KIAA1549L: variants seen among roughly 807,000 people sequenced by gnomAD.
KIAA1549L encodes the protein UPF0606 protein KIAA1549L.
In KIAA1549L, 88 loss-of-function variants were observed where a neutral mutation model predicts 160.7. The ratio of observed to expected loss-of-function variants is 0.55; its 90% CI spans 0.46 to 0.65. The LOEUF is 0.65. KIAA1549L is among the 30% of genes least tolerant of loss of function. The pLI, the probability that KIAA1549L is intolerant of heterozygous loss-of-function variation, is 0.00. For synonymous variants in KIAA1549L, 950 were observed against 976.7 expected, an observed-to-expected ratio of 0.97 and a Z score of 0.51; for missense variants, 2,258 against 2,437.5, an observed-to-expected ratio of 0.93 and a Z score of 1.55.
intron 1 of KIAA1549L, among the ~76,000 whole-genome samples, chr11:33,495,588 T>C (rs1227431539): frequency 6.6e-6 from 1 of 152,240 alleles, no homozygotes; most frequent in Non-Finnish European, 1.5e-5. Context: ...AATAAGCATA[T>C]GCGTGCATGT....
chr11:33,601,661 A>C lies in KIAA1549L; in HGVS notation c.4879+2714A>C, dbSNP rs958690857. On this transcript the variant is annotated intron_variant, in intron 13 of 20. Coordinates refer to ENST00000658780, the MANE Select transcript of KIAA1549L (RefSeq NM_012194.3). ...TGGCTTAGTATCTATTTTTCACAGAAGCTTAAGTTACTAAGGTTAATAAAT... is the reference window on the plus strand; with the variant it reads ...TGGCTTAGTATCTATTTTTCACAGACGCTTAAGTTACTAAGGTTAATAAAT... 5.3e-5 allele frequency among the ~76,000 whole-genome samples: 8 copies of C among 152,338 alleles called. No individual in the cohort carries two copies. The East Asian group carries it at 1.5e-3, about 29-fold the overall frequency.
At position 33,645,955 on chromosome 11, in the gene KIAA1549L, G is replaced by A. The variant is rs1266592574; in HGVS notation, c.5679G>A (p.Gly1893=). 1 of 1,612,626 alleles carries A rather than the reference G, an allele frequency of 6.2e-7. No homozygotes were observed. Among genetic ancestry groups the A allele is most frequent in the Non-Finnish European group, 8.5e-7 (1 of 1,179,306 alleles). ...CGGAGGTGGTGACCAGCGCTCCGGG[G>A]ACCATGACGCGGCCCAGGGCCGGGG... ...PYSEVVTSAP[G]TMTRPRAGVQ... Residue 1893 remains glycine (G), a synonymous_variant, in exon 17 of 21, where the codon GGG becomes GGA. Coordinates refer to ENST00000658780, the MANE Select transcript of KIAA1549L (RefSeq NM_012194.3).
chr11:33,536,970 C>G (rs914755244), intron 1 of KIAA1549L, among the ~76,000 whole-genome samples: 1 of 152,174 alleles, frequency 6.6e-6, no homozygotes, highest in Non-Finnish European at 1.5e-5. Context: ...TCCTCCCCAC[C>G]AAACTAAAAC....
At chr11:33,443,085 A>G (rs1014667341) in intron 1 of KIAA1549L, among the ~76,000 whole-genome samples, 1 of 152,242 alleles carries the variant, frequency 6.6e-6, no homozygotes, top group African/African-American at 2.4e-5. Flanking sequence ...TTCTTTATGC[A>G]TATTAAACTT....
intron 1 of KIAA1549L, among the ~76,000 whole-genome samples, chr11:33,526,520 C>T (rs1357915148): frequency 6.6e-6 from 1 of 152,178 alleles, no homozygotes; most frequent in Non-Finnish European, 1.5e-5. Flanking sequence ...CATTCCCCAG[C>T]ACCAGCCTGG....
At chr11:33,583,287 C>T in intron 10 of KIAA1549L, 51 bp from the exon 11 acceptor site, 3 of 1,540,262 alleles carry the variant, frequency 1.9e-6, no homozygotes, top group Non-Finnish European at 2.6e-6. Context: ...GGGTTGCTTT[C>T]CTCTTCCCAG....
At chr11:33,548,203 G>A (rs1423839396) in intron 4 of KIAA1549L, among the ~76,000 whole-genome samples, 1 of 152,066 alleles carries the variant, frequency 6.6e-6, no homozygotes, top group Non-Finnish European at 1.5e-5. Context: ...GTTTGAGACC[G>A]GTCTGGGCAA....
intron 17 of KIAA1549L, among the ~76,000 whole-genome samples, chr11:33,655,748 G>C (rs537218166): frequency 1.3e-5 from 2 of 152,336 alleles, no homozygotes; most frequent in African/African-American, 4.8e-5. Flanking sequence ...CCAGGTGGAA[G>C]AAAAGCCCAA....
intron 1 of KIAA1549L, among the ~76,000 whole-genome samples, chr11:33,415,736 A>C (rs1164583281): frequency 6.6e-6 from 1 of 152,086 alleles, no homozygotes; most frequent in African/African-American, 2.4e-5. Context: ...TTTCCTTTAT[A>C]TTGTTGCCAT....
At chr11:33,589,316 C>A (rs761594508) in intron 11 of KIAA1549L, among the ~76,000 whole-genome samples, 17 of 152,280 alleles carry the variant, frequency 1.1e-4, no homozygotes, top group Non-Finnish European at 2.1e-4. Context: ...GTTGGTGGGA[C>A]TGTAAACTAG....
At chr11:33,407,186 G>T in intron 1 of KIAA1549L, among the ~76,000 whole-genome samples, 1 of 142,428 alleles carries the variant, frequency 7.0e-6, no homozygotes, top group East Asian at 2.2e-4. Flanking sequence ...CCGGGTTCAC[G>T]CCATTCTCCT....
At position 33,542,374 on chromosome 11, in the gene KIAA1549L, C is replaced by T; in HGVS notation, c.811C>T (p.Leu271=). The change falls in exon 2 of 21, where the codon CTG becomes TTG. Residue 271 remains leucine, a synonymous_variant. Transcript: ENST00000658780. ...SEPAEQSPKV[L]LVPQTAPADP... is the part of the protein sequence containing the mutation. Reference sequence around the variant, plus strand: ...GCCAGCAGAGCAATCCCCCAAAGTGCTGTTAGTTCCCCAAACAGCTCCAGC... The same window carrying T: ...GCCAGCAGAGCAATCCCCCAAAGTGTTGTTAGTTCCCCAAACAGCTCCAGC... 1 of 1,090,028 alleles carries T rather than the reference C, an allele frequency of 9.2e-7. No homozygotes were observed. Among genetic ancestry groups the T allele is most frequent in the Non-Finnish European group, 1.3e-6 (1 of 754,314 alleles). 67.5% of individuals were successfully genotyped at this position (1,090,028 alleles called of 1,614,324 possible).
At chr11:33,633,454 C>T (rs181169103) in intron 16 of KIAA1549L, among the ~76,000 whole-genome samples, 46 of 152,090 alleles carry the variant, frequency 3.0e-4, no homozygotes, top group African/African-American at 9.9e-4. Context: ...TTTGTGCATC[C>T]GTCTGGTTTT....
intron 6 of KIAA1549L, among the ~76,000 whole-genome samples, chr11:33,555,479 T>C (rs1854616342): frequency 6.6e-6 from 1 of 152,156 alleles, no homozygotes; most frequent in African/African-American, 2.4e-5. Context: ...ACAAATGGAA[T>C]AGAAGAGAGA....
At position 33,658,790 on chromosome 11, in the gene KIAA1549L, T is replaced by A; in HGVS notation, c.5899T>A (p.Ser1967Thr). ...DIGSKTRMAE[S>T]TGPEPAQLHD... ...CGGCAGCAAGACCAGAATGGCCGAG[T>A]CTACAGGGCCCGAGCCGGCCCAGCT... The change falls in exon 19 of 21, where the codon TCT becomes ACT. Residue 1967 changes from serine (S) to threonine (T), a missense_variant. Physicochemically the swap from Ser to Thr is moderately conservative, Grantham distance 58. Transcript: ENST00000658780. The A allele has an allele frequency of 6.4e-7, 1 of 1,569,812 alleles. No individual in the cohort carries two copies. Among genetic ancestry groups the A allele is most frequent in the Non-Finnish European group, 8.6e-7 (1 of 1,158,284 alleles).
chr11:33,384,995 A>G (rs1251537586), intron 1 of KIAA1549L, among the ~76,000 whole-genome samples: 1 of 151,870 alleles, frequency 6.6e-6, no homozygotes, highest in Non-Finnish European at 1.5e-5. Context: ...AACTCTATCA[A>G]CTTTTCAATT....
intron 1 of KIAA1549L, among the ~76,000 whole-genome samples, chr11:33,422,289 A>G: frequency 6.6e-6 from 1 of 152,140 alleles, no homozygotes; most frequent in Non-Finnish European, 1.5e-5. Flanking sequence ...TGATAAAACA[A>G]CCACTGCCCT....
At chr11:33,605,185 GTTT>G (rs1564920469) in intron 13 of KIAA1549L, among the ~76,000 whole-genome samples, 1 of 143,034 alleles carries the variant, frequency 7.0e-6, no homozygotes, top group Non-Finnish European at 1.5e-5. Flanking sequence ...GTTTTGTTTT[GTTT>G]TGTTTTTTTA....
intron 16 of KIAA1549L, among the ~76,000 whole-genome samples, chr11:33,620,723 A>G (rs1256363703): frequency 1.3e-5 from 2 of 152,194 alleles, no homozygotes; most frequent in Non-Finnish European, 2.9e-5. Context: ...CTCACTATAC[A>G]TCTATCCTTA....
Sources: allele counts gnomAD v4.1 joint callset (sites outside exome capture counted in the v4.1 genomes callset), GRCh38; gene constraint gnomAD v4.1.1; transcripts MANE v1.5; gene names NCBI Gene and HGNC (gene_info 2026-07-23, HGNC 2026-07-21).